SIN3A: variants seen among roughly 807,000 people sequenced by gnomAD.
The protein encoded by SIN3A is SIN3 transcription regulator family member A.
In SIN3A, 14 loss-of-function variants were observed where a neutral mutation model predicts 146.1. The ratio of observed to expected loss-of-function variants is 0.10; its 90% CI spans 0.06 to 0.15. SIN3A has a LOEUF of 0.15. SIN3A is among the 10% of genes least tolerant of loss of function. SIN3A has a pLI of 1.00. For missense variants in SIN3A, 1,028 were observed against 1,576.0 expected (o/e 0.65, Z 5.89); for synonymous variants, 572 against 572.0 (o/e 1.00, Z 0.00).
intron 16 of SIN3A, 47 bp downstream of exon 16, chr15:75,389,605 G>C: frequency 6.3e-7 from 1 of 1,591,708 alleles, no homozygotes; most frequent in Non-Finnish European, 8.6e-7. Context: ...CCATCTCTAG[G>C]TAAGGATTTC....
At chr15:75,452,814 T>C (rs1332390292), upstream of SIN3A, 1 of 152,280 alleles carries the variant, frequency 6.6e-6, no homozygotes, top group Non-Finnish European at 1.5e-5. Context: ...ATTGGGGACA[T>C]GCCACACTCA....
chr15:75,416,069 G>C, intron 3 of SIN3A: 1 of 255,866 alleles, frequency 3.9e-6, no homozygotes, highest in Non-Finnish European at 7.9e-6. Context: ...TGTAAAGTTT[G>C]AACTATAAAG....
At chr15:75,400,226 G>A in intron 11 of SIN3A, 70 bp from the exon 12 acceptor site, 1 of 823,516 alleles carries the variant, frequency 1.2e-6, no homozygotes, top group Non-Finnish European at 2.0e-6. Context: ...CATTCTGAAT[G>A]AAAAGACAAA....
intron 1 of SIN3A, among the ~76,000 whole-genome samples, chr15:75,449,999 C>T (rs1257397380): frequency 1.3e-5 from 2 of 151,982 alleles, no homozygotes; most frequent in South Asian, 4.1e-4. Context: ...TGGCTGGTCT[C>T]GAACTCCTGA....
intron 20 of SIN3A, among the ~76,000 whole-genome samples, chr15:75,374,559 G>T (rs148812882): frequency 6.6e-6 from 1 of 152,140 alleles, no homozygotes; most frequent in Non-Finnish European, 1.5e-5. Context: ...AGCTATCTTT[G>T]TCAAATGTCC....
At chr15:75,402,041 C>A in intron 9 of SIN3A, 71 bp from the exon 10 acceptor site, 1 of 967,598 alleles carries the variant, frequency 1.0e-6, no homozygotes, top group Non-Finnish European at 1.6e-6. Context: ...GGGCCTCGCT[C>A]TGTCGCCCAG....
chr15:75,433,788 G>A (rs568990468), intron 1 of SIN3A, among the ~76,000 whole-genome samples: 51 of 151,968 alleles, frequency 3.4e-4, no homozygotes, highest in African/African-American at 1.2e-3. Context: ...CAGCCTGGGC[G>A]ACAGAGCAAG....
At chr15:75,449,252 C>A (rs2074359403) in intron 1 of SIN3A, among the ~76,000 whole-genome samples, 1 of 152,196 alleles carries the variant, frequency 6.6e-6, no homozygotes, top group Non-Finnish European at 1.5e-5. Flanking sequence ...AATGCTATTG[C>A]TTTTGCAACT....
chr15:75,420,370 T>C (rs1310666690), intron 3 of SIN3A: 5 of 152,102 alleles, frequency 3.3e-5, no homozygotes, highest in African/African-American at 9.7e-5. Flanking sequence ...GCATTCTCAC[T>C]GAACATTTCT....
intron 14 of SIN3A, 96 bp downstream of exon 14, chr15:75,394,584 G>C (rs2073268820): frequency 1.0e-6 from 1 of 971,794 alleles, no homozygotes; most frequent in African/African-American, 1.6e-5. Context: ...GTCTTAGAGA[G>C]TCTCACCTGC....
At chr15:75,382,446 G>A (rs1021057720) in intron 17 of SIN3A, among the ~76,000 whole-genome samples, 2 of 152,136 alleles carry the variant, frequency 1.3e-5, no homozygotes. Flanking sequence ...ATAACAGGAT[G>A]TCATTAACCA....
At chr15:75,397,058 G>GTTC (rs2073318302) in intron 12 of SIN3A, among the ~76,000 whole-genome samples, 1 of 152,160 alleles carries the variant, frequency 6.6e-6, no homozygotes, top group Non-Finnish European at 1.5e-5. Context: ...TAAGAGCAGT[G>GTTC]ACTATCATAA....
intron 19 of SIN3A, among the ~76,000 whole-genome samples, chr15:75,376,556 A>T (rs2072858745): frequency 6.6e-6 from 1 of 152,144 alleles, no homozygotes. Flanking sequence ...GTTTCTCATA[A>T]CTTGCTATTA....
intron 19 of SIN3A, among the ~76,000 whole-genome samples, chr15:75,376,824 T>C (rs1179094568): frequency 1.4e-5 from 2 of 144,366 alleles, no homozygotes; most frequent in East Asian, 4.1e-4. Context: ...CCCACCACTG[T>C]ACTATAGCCT....
chr15:75,409,688 C>T (rs777995687), intron 8 of SIN3A, 148 bp downstream of exon 8: 76 of 799,404 alleles, frequency 9.5e-5, no homozygotes, highest in Non-Finnish European at 1.4e-4. Flanking sequence ...GATCGTGCCA[C>T]TGCACTCCAG....
At chr15:75,420,809 A>G (rs1279769785) in intron 3 of SIN3A, 1 of 152,254 alleles carries the variant, frequency 6.6e-6, no homozygotes, top group African/African-American at 2.4e-5. Context: ...TGGAGGTACA[A>G]GAAGCATTTT....
At position 75,399,319 on chromosome 15, in the gene SIN3A, G is replaced by T. The variant is rs560841761; in HGVS notation, c.1854+721C>A. On this transcript the variant is annotated intron_variant, in intron 12 of 20. Coordinates refer to ENST00000394947, the MANE Select transcript of SIN3A (RefSeq NM_001145358.2). Reference sequence around the variant, plus strand: ...CGAGACGGGTGGATCACGAGGTCAGGAGATCGAGACCATCCTGGCTAACAC... The same window carrying T: ...CGAGACGGGTGGATCACGAGGTCAGTAGATCGAGACCATCCTGGCTAACAC... Among the ~76,000 whole-genome samples, 232 of 152,220 alleles carry T rather than the reference G, an allele frequency of 1.5e-3. 1 individual carries two copies. Among genetic ancestry groups the T allele is most frequent in the Non-Finnish European group, 2.8e-3 (193 of 68,000 alleles).
chr15:75,418,877 C>T (rs552260339), intron 3 of SIN3A, among the ~76,000 whole-genome samples: 21 of 152,268 alleles, frequency 1.4e-4, no homozygotes, highest in African/African-American at 4.8e-4. Context: ...GCCTCAGCCT[C>T]CCAAGTAGCT....
rs753491359 is a variant in SIN3A at position 75,400,770 on chromosome 15, T to G, written c.1697A>C (p.Gln566Pro). 2 of 1,614,120 alleles carry G rather than the reference T, an allele frequency of 1.2e-6. No individual in the cohort carries two copies. The change falls in exon 11 of 21, where the codon CAG becomes CCG. Residue 566 changes from glutamine (Q) to proline (P), a missense_variant. Around this residue, in one of 9 missense-constraint regions of SIN3A, gnomAD observed 157 missense variants for 284.8 expected, o/e 0.55. Coordinates refer to ENST00000394947, the MANE Select transcript of SIN3A (RefSeq NM_001145358.2). ...AGTCCGTCCTGTACACTTGGGCTGC[T>G]GGTAACTCTTTGGTAAGGCTCGATA... ...SSYRALPKSY[Q>P]QPKCTGRTPL... is the part of the protein sequence containing the mutation.
Sources: gnomAD v4.1 joint callset for allele counts (sites outside exome capture counted in the v4.1 genomes callset) on GRCh38, gnomAD v4.1.1 for gene constraint, gnomAD v4.1.1 regional missense constraint, MANE v1.5 for transcripts, NCBI Gene and HGNC (gene_info 2026-07-23, HGNC 2026-07-21) for gene names.